Variants in DHRSX observed in about 807,000 individuals in gnomAD.
DHRSX encodes the protein dehydrogenase/reductase X-linked.
Under a neutral mutation model 34.0 loss-of-function variants are expected in DHRSX, and 31 were observed. That is an observed-to-expected ratio of 0.91 (90% CI 0.69 to 1.23). DHRSX has a LOEUF of 1.23. Ranked by LOEUF, DHRSX falls within the 50% of genes most tolerant of loss-of-function variation. DHRSX has a pLI of 0.00. For synonymous variants in DHRSX, 201 were observed against 183.8 expected, an observed-to-expected ratio of 1.09 and a Z score of -0.76; for missense variants, 414 against 428.1, an observed-to-expected ratio of 0.97 and a Z score of 0.29.
intron 3 of DHRSX, among the ~76,000 whole-genome samples, chrX:2,384,226 G>A (rs1284462786): frequency 6.6e-6 from 1 of 152,212 alleles, no homozygotes; most frequent in Non-Finnish European, 1.5e-5. Context: ...AGGATCGACT[G>A]TAGGCAGCTG....
Position 2,220,708 on chromosome X carries a change from C to A in DHRSX, c.*333G>T. 1 of 298,038 alleles carries A rather than the reference C, an allele frequency of 3.4e-6. No homozygotes were observed. Among genetic ancestry groups the A allele is most frequent in the Non-Finnish European group, 6.2e-6 (1 of 161,468 alleles). 18.5% of individuals were successfully genotyped at this position (298,038 alleles called of 1,614,324 possible). A position where few individuals can be genotyped will look rare whatever the true frequency, so the allele number is the denominator to read the frequency against. On this transcript the variant is annotated 3_prime_UTR_variant, in exon 7 of 7. Transcript: ENST00000334651. ...TGCAGCCCCTGAAAAGAGAGCATCT[C>A]TCTTGGAACTTTTGTACTCAGTTGT... is the stretch of plus-strand genomic sequence containing the variant.
intron 1 of DHRSX, 78 bp from the exon 2 acceptor site, chrX:2,425,382 G>C: frequency 8.1e-7 from 1 of 1,237,832 alleles, no homozygotes; most frequent in South Asian, 1.2e-5. Flanking sequence ...AGCCTCCAGA[G>C]AGGCAAGATG....
intron 1 of DHRSX, among the ~76,000 whole-genome samples, chrX:2,484,362 C>A (rs1181688316): frequency 6.6e-6 from 1 of 152,048 alleles, no homozygotes; most frequent in Non-Finnish European, 1.5e-5. Context: ...CCTCTCTGAC[C>A]CCTTAAAGTT....
rs192999204 is a variant in DHRSX at position 2,309,565 on chromosome X, C to T, written c.287-17962G>A. ...TAAATGTGATAAGTGTGTCCATAAC[C>T]ACTACCTGAAAATCAGATCTTAGTC... On this transcript the variant is annotated intron_variant, in intron 3 of 6. Transcript: ENST00000334651. Among the ~76,000 whole-genome samples the T allele has an allele frequency of 2.8e-4, 42 of 152,160 alleles. 1 individual carries two copies. The East Asian group carries it at 8.1e-3, about 29-fold the overall frequency.
At chrX:2,251,706 A>G (rs1392457525) in intron 5 of DHRSX, among the ~76,000 whole-genome samples, 1 of 152,084 alleles carries the variant, frequency 6.6e-6, no homozygotes, top group Non-Finnish European at 1.5e-5. Context: ...TTCAAGTGCT[A>G]TTTCTTTATG....
In DHRSX at chrX:2,288,760, T is replaced by A. The variant is rs1026392764; in HGVS notation, c.388+2742A>T. 4.6e-5 allele frequency among the ~76,000 whole-genome samples: 7 copies of A among 152,318 alleles called. No homozygotes were observed. In the South Asian group the frequency reaches 1.4e-3, roughly 32 times the overall value. On this transcript the variant is annotated intron_variant, in intron 4 of 6. Transcript: ENST00000334651. ...GGAAGAAGTAAACCCAATATGTGCA[T>A]GAGATTTTCTACAGAAGAGATAGGG...
intron 3 of DHRSX, among the ~76,000 whole-genome samples, chrX:2,325,221 G>C (rs2042365803): frequency 6.6e-6 from 1 of 152,024 alleles, no homozygotes; most frequent in African/African-American, 2.4e-5. Flanking sequence ...TCAAGATGGC[G>C]GCTCCATCTT....
chrX:2,358,363 G>A (rs114972862), intron 3 of DHRSX, among the ~76,000 whole-genome samples: 2,432 of 152,188 alleles, frequency 0.016, 56 homozygotes, highest in African/African-American at 0.055. Context: ...CCTTTGCCAC[G>A]TCAGGCAAAG....
At chrX:2,320,830 G>A (rs1489350094) in intron 3 of DHRSX, among the ~76,000 whole-genome samples, 4 of 151,872 alleles carry the variant, frequency 2.6e-5, no homozygotes, top group Non-Finnish European at 4.4e-5. Context: ...AGAAACAGGT[G>A]CACAATCAAG....
chrX:2,395,193 C>T (rs1398421025), intron 3 of DHRSX, among the ~76,000 whole-genome samples: 2 of 152,112 alleles, frequency 1.3e-5, no homozygotes, highest in African/African-American at 2.4e-5. Flanking sequence ...TTCCTTGGAA[C>T]GAGTCTGTTC....
chrX:2,408,937 CT>C (rs1281504894), intron 2 of DHRSX, 124 bp from the exon 3 acceptor site: 27 of 831,248 alleles, frequency 3.2e-5, no homozygotes, highest in Non-Finnish European at 5.0e-5. Context: ...CTTTGATGGA[CT>C]TTCCCTTTAT....
intron 4 of DHRSX, among the ~76,000 whole-genome samples, chrX:2,273,849 C>T (rs1456175498): frequency 2.6e-5 from 4 of 152,154 alleles, no homozygotes; most frequent in Non-Finnish European, 5.9e-5. Context: ...GGGGACAGTG[C>T]TTCTGTGCAG....
At chrX:2,474,691 C>T (rs2044647430) in intron 1 of DHRSX, among the ~76,000 whole-genome samples, 1 of 151,806 alleles carries the variant, frequency 6.6e-6, no homozygotes, top group Non-Finnish European at 1.5e-5. Flanking sequence ...AAGATGTTCC[C>T]TAAGTGTGTG....
At chrX:2,361,591 G>T (rs1251749366) in intron 3 of DHRSX, among the ~76,000 whole-genome samples, 1 of 151,954 alleles carries the variant, frequency 6.6e-6, no homozygotes, top group African/African-American at 2.4e-5. Flanking sequence ...TTAATGGTGG[G>T]GCAGAATCTG....
At chrX:2,240,067 C>T (rs191143290) in intron 6 of DHRSX, among the ~76,000 whole-genome samples, 32 of 151,894 alleles carry the variant, frequency 2.1e-4, no homozygotes, top group African/African-American at 7.0e-4. Context: ...CCGAGGTGGG[C>T]GGATCACCCG....
At chrX:2,490,749 C>T (rs767259971) in intron 1 of DHRSX, 10 of 1,597,296 alleles carry the variant, frequency 6.3e-6, no homozygotes, top group Admixed American at 5.1e-5. Context: ...GCCTGCTGGA[C>T]GGCTGCTCAT....
At chrX:2,223,764 A>G (rs1194619550) in intron 6 of DHRSX, among the ~76,000 whole-genome samples, 1 of 152,030 alleles carries the variant, frequency 6.6e-6, no homozygotes, top group East Asian at 1.9e-4. Flanking sequence ...GTTCTGCCCA[A>G]TTTCCAGGCA....
intron 1 of DHRSX, among the ~76,000 whole-genome samples, chrX:2,450,337 T>C (rs759057841): frequency 2.6e-5 from 4 of 152,170 alleles, no homozygotes; most frequent in African/African-American, 9.6e-5. Flanking sequence ...ATATAAAATT[T>C]AGTAATCCAA....
At chrX:2,422,879 G>A (rs899274350) in intron 2 of DHRSX, among the ~76,000 whole-genome samples, 7 of 151,962 alleles carry the variant, frequency 4.6e-5, no homozygotes, top group Non-Finnish European at 1.0e-4. Flanking sequence ...CCGCCTCTCA[G>A]GTTCAAGCAA....
Sources: gnomAD v4.1 joint callset for allele counts (sites outside exome capture counted in the v4.1 genomes callset) on GRCh38, gnomAD v4.1.1 for gene constraint, MANE v1.5 for transcripts, NCBI Gene and HGNC (gene_info 2026-07-23, HGNC 2026-07-21) for gene names.